CD8B: variants seen among roughly 807,000 people sequenced by gnomAD.
CD8B encodes CD8 subunit beta, also known as T-cell surface glycoprotein CD8 beta chain.
Under a neutral mutation model 24.2 loss-of-function variants are expected in CD8B, and 6 were observed. The observed-to-expected ratio is 0.25, with a 90% CI of 0.14 to 0.49. The LOEUF is 0.49. Ranked by LOEUF, CD8B falls within the 20% of genes least tolerant of loss-of-function variation. The probability of loss-of-function intolerance (pLI) is 0.98; values close to 1 mark genes in which losing one functional copy is unlikely to be tolerated. For synonymous variants in CD8B, 84 were observed against 108.3 expected (o/e 0.78, Z 1.39); for missense variants, 196 against 271.3 (o/e 0.72, Z 1.95).
chr2:86,850,921 C>A (rs1459737982), intron 3 of CD8B, among the ~76,000 whole-genome samples: 1 of 151,790 alleles, frequency 6.6e-6, no homozygotes, highest in South Asian at 2.1e-4. Flanking sequence ...TGAAACCCTG[C>A]CTCTACTAAA....
intron 1 of CD8B, among the ~76,000 whole-genome samples, chr2:86,860,003 C>T (rs1309609723): frequency 1.3e-5 from 2 of 152,096 alleles, no homozygotes; most frequent in East Asian, 3.9e-4. Flanking sequence ...GGTGTGGTGG[C>T]TCATGTTTGT....
At chr2:86,827,635 A>C (rs937991619) in intron 5 of CD8B, among the ~76,000 whole-genome samples, 4 of 152,026 alleles carry the variant, frequency 2.6e-5, no homozygotes, top group African/African-American at 9.7e-5. Context: ...AAAAAAAAAA[A>C]AAATGTGGGG....
intron 3 of CD8B, among the ~76,000 whole-genome samples, chr2:86,851,281 T>C (rs2104564819): frequency 6.6e-6 from 1 of 152,244 alleles, no homozygotes; most frequent in South Asian, 2.1e-4. Context: ...GCAGGTTGTT[T>C]CTTTCTATCA....
At chr2:86,855,759 C>G (rs1018931778) in intron 2 of CD8B, among the ~76,000 whole-genome samples, 2 of 152,160 alleles carry the variant, frequency 1.3e-5, no homozygotes, top group African/African-American at 4.8e-5. Context: ...TTATTTTCTA[C>G]CCGAGGAAGC....
intron 5 of CD8B, among the ~76,000 whole-genome samples, chr2:86,832,079 C>T (rs928799044): frequency 9.9e-5 from 15 of 152,112 alleles, no homozygotes; most frequent in African/African-American, 2.4e-5. Flanking sequence ...GTTCACACCA[C>T]GCAGCCACAG....
At chr2:86,817,919 A>G (rs1350145274) in intron 5 of CD8B, among the ~76,000 whole-genome samples, 2 of 152,176 alleles carry the variant, frequency 1.3e-5, no homozygotes, top group Non-Finnish European at 2.9e-5. Context: ...TTAAAAATAT[A>G]TATTCACTGG....
Position 86,858,086 on chromosome 2 carries a change from G to T in CD8B, c.374C>A (p.Thr125Asn), listed in dbSNP as rs755741417. ...ACTCAGCTGAGTTCCCTTCCCGAAG[G>T]TCAGCTCGGGGCTCCCGACGATCAT... ...FCMIVGSPELTFGKGTQLSVV... is the reference protein window; with the variant it reads ...FCMIVGSPELNFGKGTQLSVV... The change falls in exon 2 of 6, where the codon ACC (threonine) becomes AAC (asparagine). Residue 125 changes from threonine to asparagine, a missense_variant. Coordinates refer to ENST00000390655, the MANE Select transcript of CD8B (RefSeq NM_004931.5). The T allele has an allele frequency of 4.8e-5, 78 of 1,613,954 alleles. No individual in the cohort carries two copies. Among genetic ancestry groups the T allele is most frequent in the Admixed American group, 4.5e-4 (27 of 60,024 alleles).
rs1185794591 is a variant in CD8B, at chr2:86,841,047, AG to A, written c.*1259del. Among the ~76,000 whole-genome samples the A allele has an allele frequency of 6.6e-6, 1 of 151,774 alleles. No homozygotes were observed. Among genetic ancestry groups the A allele is most frequent in the African/African-American group, 2.4e-5 (1 of 41,290 alleles). The stretch of plus-strand genomic sequence containing the variant: ...CTGGACGTGGTGCTTCTGTTAATGC[AG>A]CCTCAGGTTGCAGTGTTTTATGGTG... On this transcript the variant is annotated 3_prime_UTR_variant, in exon 6 of 6. Transcript: ENST00000390655.
At chr2:86,835,439 G>C (rs1172293052), downstream of CD8B, among the ~76,000 whole-genome samples, 1 of 152,172 alleles carries the variant, frequency 6.6e-6, no homozygotes, top group Non-Finnish European at 1.5e-5. Context: ...GTGATCCGAA[G>C]GCAGGCCCGC....
chr2:86,834,423 T>C (rs538688721), downstream of CD8B, among the ~76,000 whole-genome samples: 125 of 151,854 alleles, frequency 8.2e-4, no homozygotes, highest in Non-Finnish European at 6.3e-4. Context: ...GGTGTAGAGG[T>C]CATGGCAGAA....
At chr2:86,834,705 G>A (rs1398522316), downstream of CD8B, among the ~76,000 whole-genome samples, 2 of 152,152 alleles carry the variant, frequency 1.3e-5, no homozygotes, top group African/African-American at 2.4e-5. Context: ...GGGAGGCCAA[G>A]GCAGGAGGAT....
At chr2:86,856,542 T>A (rs536561374) in intron 2 of CD8B, among the ~76,000 whole-genome samples, 1 of 152,062 alleles carries the variant, frequency 6.6e-6, no homozygotes, top group Non-Finnish European at 1.5e-5. Context: ...TGTGCTGCTG[T>A]CCCCAGCTGC....
At chr2:86,854,387 C>T (rs185705114) in intron 2 of CD8B, among the ~76,000 whole-genome samples, 4 of 152,320 alleles carry the variant, frequency 2.6e-5, no homozygotes, top group African/African-American at 9.6e-5. Flanking sequence ...TTTTCCTTCT[C>T]AGATGGCCCT....
chr2:86,815,489 T>C (rs1247648963), downstream of CD8B: 8 of 725,602 alleles, frequency 1.1e-5, no homozygotes, highest in Non-Finnish European at 1.7e-5. Flanking sequence ...CCCCTATGAC[T>C]TGGGGGGTTG....
At chr2:86,832,453 G>A (rs1191651962) in intron 5 of CD8B, among the ~76,000 whole-genome samples, 1 of 151,358 alleles carries the variant, frequency 6.6e-6, no homozygotes, top group Non-Finnish European at 1.5e-5. Context: ...ACTCCAGCCT[G>A]GGTGACAGAG....
chr2:86,824,818 C>A (rs1427453106), intron 5 of CD8B, among the ~76,000 whole-genome samples: 1 of 152,210 alleles, frequency 6.6e-6, no homozygotes, highest in Non-Finnish European at 1.5e-5. Context: ...ATTGCATAAA[C>A]CTTCCCTGAA....
chr2:86,854,291 C>G (rs1230575592), intron 2 of CD8B, among the ~76,000 whole-genome samples: 1 of 152,176 alleles, frequency 6.6e-6, no homozygotes, highest in Admixed American at 6.5e-5. Flanking sequence ...TCGGCATTCC[C>G]TAAGCACATG....
At chr2:86,822,646 G>A (rs949277563) in intron 5 of CD8B, among the ~76,000 whole-genome samples, 8 of 152,298 alleles carry the variant, frequency 5.3e-5, no homozygotes, top group South Asian at 2.1e-4. Context: ...ACCAAGATGC[G>A]TTTCCCTTGC....
Position 86,861,809 on chromosome 2 carries a change from C to A in CD8B, c.43+14G>T. ...AGCGCAGACCCTTGGGTAGCCCGCG[C>A]GCCGCCGCCTTACCTGTCAGCTGCG... On this transcript the variant is annotated intron_variant, in intron 1 of 5. Transcript: ENST00000390655. 1 of 1,271,650 alleles carries A rather than the reference C, an allele frequency of 7.9e-7. No individual in the cohort carries two copies. Among genetic ancestry groups the A allele is most frequent in the South Asian group, 2.9e-5 (1 of 34,688 alleles). 78.8% of individuals were successfully genotyped at this position (1,271,650 alleles called of 1,614,324 possible).
Sources: allele counts gnomAD v4.1 joint callset (sites outside exome capture counted in the v4.1 genomes callset), GRCh38; gene constraint gnomAD v4.1.1; transcripts MANE v1.5; gene names NCBI Gene and HGNC (gene_info 2026-07-23, HGNC 2026-07-21).